Variants in FGD5 observed in about 807,000 individuals in gnomAD.
FGD5 encodes FYVE, RhoGEF and PH domain-containing protein 5.
In FGD5, 28 loss-of-function variants were observed where a neutral mutation model predicts 133.4. The ratio of observed to expected loss-of-function variants is 0.21; its 90% CI spans 0.16 to 0.29. The LOEUF is 0.29. FGD5 is among the 10% of genes least tolerant of loss of function. The pLI, the probability that FGD5 is intolerant of heterozygous loss-of-function variation, is 1.00. For missense variants in FGD5, 1,858 were observed against 1,895.2 expected (o/e 0.98, Z 0.36); for synonymous variants, 810 against 776.5 (o/e 1.04, Z -0.72).
At chr3:14,896,034 AT>A (rs1454005124) in intron 4 of FGD5, among the ~76,000 whole-genome samples, 2 of 152,228 alleles carry the variant, frequency 1.3e-5, no homozygotes, top group African/African-American at 4.8e-5. Flanking sequence ...CCCATTTATC[AT>A]AGCTACAAAG....
In FGD5 at chr3:14,874,840, A is replaced by C. The variant is rs149339758; in HGVS notation, c.2659-5732A>C. Among the ~76,000 whole-genome samples the C allele has an allele frequency of 3.6e-3, 550 of 152,356 alleles. 5 individuals are homozygous for C. The highest frequency in any genetic ancestry group is 0.012 in the African/African-American group (513 of 41,586). Reference sequence around the variant, plus strand: ...GCCAAACCCACAGTCACACCAGCCTAACTTCAGGAACTGGACTAGTCAGCA... The same window carrying C: ...GCCAAACCCACAGTCACACCAGCCTCACTTCAGGAACTGGACTAGTCAGCA... On this transcript the variant is annotated intron_variant, in intron 2 of 19. Transcript: ENST00000285046.
chr3:14,839,968 T>TAACAAAC (rs2036888046), intron 1 of FGD5, among the ~76,000 whole-genome samples: 1 of 131,932 alleles, frequency 7.6e-6, no homozygotes, highest in Non-Finnish European at 1.7e-5. Flanking sequence ...AAACAAACAG[T>TAACAAAC]GTTTTACAAA....
At chr3:14,844,260 AT>A (rs2036998870) in intron 1 of FGD5, among the ~76,000 whole-genome samples, 2 of 77,840 alleles carry the variant, frequency 2.6e-5, no homozygotes, top group Admixed American at 1.4e-4. Flanking sequence ...ATATATATAT[AT>A]ATATATATAT....
At chr3:14,927,705 G>A (rs984967570) in intron 18 of FGD5, among the ~76,000 whole-genome samples, 6 of 152,082 alleles carry the variant, frequency 3.9e-5, no homozygotes, top group Non-Finnish European at 8.8e-5. Context: ...TTGCTATTTA[G>A]TAACAGTCCT....
At chr3:14,843,779 C>A (rs937829727) in intron 1 of FGD5, among the ~76,000 whole-genome samples, 1 of 150,504 alleles carries the variant, frequency 6.6e-6, no homozygotes, top group Non-Finnish European at 1.5e-5. Flanking sequence ...CAACCTCTGC[C>A]TCCTGGGTTC....
chr3:14,916,512 G>C (rs903062), intron 11 of FGD5, among the ~76,000 whole-genome samples: 12,245 of 152,226 alleles, frequency 0.08, 935 homozygotes, highest in East Asian at 0.41. Flanking sequence ...CCACTTCCCT[G>C]TCCTCAGGGT....
At chr3:14,831,339 T>C (rs1370120818) in intron 1 of FGD5, among the ~76,000 whole-genome samples, 1 of 152,216 alleles carries the variant, frequency 6.6e-6, no homozygotes. Flanking sequence ...TCTGGACTTG[T>C]ATGTTTAGGG....
At chr3:14,907,592 C>A in intron 9 of FGD5, 48 bp from the exon 10 acceptor site, 1 of 1,567,966 alleles carries the variant, frequency 6.4e-7, no homozygotes, top group South Asian at 1.1e-5. Context: ...GATAAGACGC[C>A]TGGTAGGGGC....
At chr3:14,839,967 G>A (rs76278089) in intron 1 of FGD5, among the ~76,000 whole-genome samples, 32,289 of 147,734 alleles carry the variant, frequency 0.22, 3,611 homozygotes, top group East Asian at 0.3. Flanking sequence ...CAAACAAACA[G>A]TGTTTTACAA....
chr3:14,825,024 T>A (rs554155696), intron 1 of FGD5, among the ~76,000 whole-genome samples: 1 of 152,218 alleles, frequency 6.6e-6, no homozygotes, highest in South Asian at 2.1e-4. Context: ...GATTCAGTGT[T>A]ATTTAAAATC....
At chr3:14,838,727 T>C (rs1350755992) in intron 1 of FGD5, among the ~76,000 whole-genome samples, 2 of 152,186 alleles carry the variant, frequency 1.3e-5, no homozygotes, top group Non-Finnish European at 2.9e-5. Flanking sequence ...GCTAAAGAAA[T>C]AAGTTATCTG....
At chr3:14,875,247 AC>A (rs927033972) in intron 2 of FGD5, among the ~76,000 whole-genome samples, 2 of 152,176 alleles carry the variant, frequency 1.3e-5, no homozygotes, top group African/African-American at 4.8e-5. Context: ...TGGAAGACTC[AC>A]AAGGAAAATT....
intron 1 of FGD5, among the ~76,000 whole-genome samples, chr3:14,850,473 C>T (rs1195913410): frequency 6.6e-6 from 1 of 152,160 alleles, no homozygotes; most frequent in Non-Finnish European, 1.5e-5. Flanking sequence ...GCCATTTCAG[C>T]GTGAGCCAGG....
At chr3:14,868,998 A>G (rs1211860576) in intron 2 of FGD5, among the ~76,000 whole-genome samples, 1 of 152,144 alleles carries the variant, frequency 6.6e-6, no homozygotes, top group Non-Finnish European at 1.5e-5. Flanking sequence ...CAAGTGCTAT[A>G]AAAAACAAAC....
intron 1 of FGD5, among the ~76,000 whole-genome samples, chr3:14,856,769 T>A (rs1167092097): frequency 6.6e-6 from 1 of 152,206 alleles, no homozygotes; most frequent in Admixed American, 6.5e-5. Flanking sequence ...TTATCAGCTC[T>A]AAGAGGTTTT....
At position 14,821,208 on chromosome 3, in the gene FGD5, C is replaced by A. The variant is rs759015631; in HGVS notation, c.2137C>A (p.Leu713Ile). 2 of 1,613,952 alleles carry A rather than the reference C, an allele frequency of 1.2e-6. No homozygotes were observed. Among genetic ancestry groups the A allele is most frequent in the Admixed American group, 3.3e-5 (2 of 60,020 alleles). Reference protein sequence around the residue: ...SPQLKSRTGKLRASESPSSLI... With the variant: ...SPQLKSRTGKIRASESPSSLI... The stretch of plus-strand genomic sequence containing the variant: ...TCAGCTTAAGTCTCGGACTGGGAAG[C>A]TCCGGGCTTCTGAATCCCCCTCCTC... The change falls in exon 1 of 20, where the codon CTC becomes ATC. Residue 713 changes from leucine (L) to isoleucine (I), a missense_variant. Physicochemically the swap from Leu to Ile is conservative, Grantham distance 5 (BLOSUM62 2). Coordinates refer to ENST00000285046, the MANE Select transcript of FGD5 (RefSeq NM_152536.4).
intron 1 of FGD5, among the ~76,000 whole-genome samples, chr3:14,825,521 G>A (rs1366955446): frequency 2.6e-5 from 4 of 151,898 alleles, no homozygotes; most frequent in Admixed American, 6.6e-5. Flanking sequence ...ATTGTGGTAC[G>A]CACCTGTAGT....
At chr3:14,833,918 GC>G (rs1176939387) in intron 1 of FGD5, among the ~76,000 whole-genome samples, 1 of 152,128 alleles carries the variant, frequency 6.6e-6, no homozygotes, top group African/African-American at 2.4e-5. Context: ...CAAGGGCCTG[GC>G]CAGGTAGAAG....
intron 10 of FGD5, 43 bp downstream of exon 10, chr3:14,907,754 G>A (rs770185456): frequency 5.7e-6 from 9 of 1,592,068 alleles, no homozygotes; most frequent in African/African-American, 5.4e-5. Flanking sequence ...GTGGCTGGGC[G>A]AGGCTCCGAT....
Sources: allele counts gnomAD v4.1 joint callset (sites outside exome capture counted in the v4.1 genomes callset), GRCh38; gene constraint gnomAD v4.1.1; transcripts MANE v1.5; gene names NCBI Gene and HGNC (gene_info 2026-07-23, HGNC 2026-07-21).